Variants in CYFIP2 observed in about 807,000 individuals in gnomAD.
CYFIP2 encodes the protein cytoplasmic FMR1 interacting protein 2.
In CYFIP2, 29 loss-of-function variants were observed where a neutral mutation model predicts 158.7. That is an observed-to-expected ratio of 0.18 (90% CI 0.14 to 0.25). The LOEUF is 0.25. Among genes scored for constraint, CYFIP2 ranks in the 10% least tolerant of loss-of-function variants. The pLI, the probability that CYFIP2 is intolerant of heterozygous loss-of-function variation, is 1.00. For missense variants in CYFIP2, 852 were observed against 1,639.5 expected, an observed-to-expected ratio of 0.52 and a Z score of 8.29; for synonymous variants, 585 against 617.6, an observed-to-expected ratio of 0.95 and a Z score of 0.78.
chr5:157,307,883 G>T lies in CYFIP2; in HGVS notation c.900+18G>T. The stretch of plus-strand genomic sequence containing the variant: ...TCTTTAAGGTCAGCAACTGGGGCTG[G>T]GGCTGGGCAGAGGGCTGAGGTTACC... On this transcript the variant is annotated intron_variant, in intron 9 of 30. Coordinates refer to ENST00000620254, the MANE Select transcript of CYFIP2 (RefSeq NM_001037333.3). 1.4e-6 allele frequency: 2 copies of T among 1,466,330 alleles called. No individual in the cohort carries two copies. The highest frequency in any genetic ancestry group is 2.3e-5 in the East Asian group (1 of 42,996). The allele number at this position is 1,466,330 out of a possible 1,614,324, so 90.8% of individuals were successfully genotyped here.
intron 1 of CYFIP2, among the ~76,000 whole-genome samples, chr5:157,272,569 A>G (rs938137048): frequency 1.3e-5 from 2 of 152,150 alleles, no homozygotes; most frequent in Admixed American, 1.3e-4. Context: ...AGATCTCTAA[A>G]TGATATGCTT....
chr5:157,279,242 G>T (rs897033524), intron 1 of CYFIP2, among the ~76,000 whole-genome samples: 1 of 152,210 alleles, frequency 6.6e-6, no homozygotes, highest in African/African-American at 2.4e-5. Context: ...CTGAGGCTCG[G>T]AGAGGTTAAG....
In CYFIP2 at chr5:157,339,193, A is replaced by G; in HGVS notation, c.2522A>G (p.His841Arg). The G allele has an allele frequency of 1.2e-6, 2 of 1,613,530 alleles. No homozygotes were observed. Among genetic ancestry groups the G allele is most frequent in the Non-Finnish European group, 1.7e-6 (2 of 1,179,674 alleles). The change falls in exon 22 of 31, where the codon CAT (histidine) becomes CGT (arginine). Residue 841 changes from histidine (H) to arginine (R), a missense_variant. His to Arg is a conservative substitution (Grantham distance 29). Coordinates refer to ENST00000620254, the MANE Select transcript of CYFIP2 (RefSeq NM_001037333.3). ...GCCCCCTATGGCCGTATCACCCTGC[A>G]TGTCTTCTGGGAACTGAACTTTGAC... Reference protein sequence around the residue: ...VSAPYGRITLHVFWELNFDFL... With the variant: ...VSAPYGRITLRVFWELNFDFL...
At chr5:157,326,106 G>A (rs1227773628) in intron 17 of CYFIP2, 65 bp from the exon 18 acceptor site, 1 of 1,199,674 alleles carries the variant, frequency 8.3e-7, no homozygotes, top group Non-Finnish European at 1.2e-6. Flanking sequence ...TCCCAAGCAA[G>A]TATAAAGCTG....
chr5:157,331,220 C>T (rs1761433774), intron 20 of CYFIP2, among the ~76,000 whole-genome samples: 1 of 151,828 alleles, frequency 6.6e-6, no homozygotes, highest in Non-Finnish European at 1.5e-5. Context: ...AAGACTGTGG[C>T]GCCTTTGAAA....
chr5:157,381,217 C>A (rs1056706187), intron 26 of CYFIP2, among the ~76,000 whole-genome samples: 4 of 152,120 alleles, frequency 2.6e-5, no homozygotes, highest in African/African-American at 9.7e-5. Context: ...TCCACTGAGA[C>A]ATAACCACTA....
At chr5:157,390,080 C>T (rs1767121275) in intron 29 of CYFIP2, among the ~76,000 whole-genome samples, 2 of 152,192 alleles carry the variant, frequency 1.3e-5, no homozygotes, top group Admixed American at 1.3e-4. Flanking sequence ...ATGGCCTGTC[C>T]CTTCCCTTTC....
chr5:157,347,650 G>A (rs150007912), intron 23 of CYFIP2, among the ~76,000 whole-genome samples: 453 of 152,310 alleles, frequency 3.0e-3, no homozygotes, highest in South Asian at 0.021. Flanking sequence ...AGAGTTAAGG[G>A]GTCTGAGGAG....
Position 157,395,448 on chromosome 5 carries a change from C to A in CYFIP2, c.*2448C>A, listed in dbSNP as rs894538205. On this transcript the variant is annotated 3_prime_UTR_variant, in exon 31 of 31. Coordinates refer to ENST00000620254, the MANE Select transcript of CYFIP2 (RefSeq NM_001037333.3). ...ATTTATTTATGGTGACATATTTACG[C>A]TTGTGATCAAATAATGATGTTAAAT... 1 of 425,800 alleles carries A rather than the reference C, an allele frequency of 2.3e-6. No homozygotes were observed. Among genetic ancestry groups the A allele is most frequent in the African/African-American group, 2.1e-5 (1 of 47,768 alleles). The allele number at this position is 425,800 out of a possible 1,614,324, so 26.4% of individuals were successfully genotyped here.
chr5:157,389,854 C>T (rs753127427), intron 29 of CYFIP2, among the ~76,000 whole-genome samples: 3 of 152,182 alleles, frequency 2.0e-5, no homozygotes, highest in South Asian at 2.1e-4. Context: ...TTCAGAGCAG[C>T]GCTAGCCTGT....
chr5:157,288,511 T>C (rs1225594958), intron 3 of CYFIP2: 2 of 439,758 alleles, frequency 4.5e-6, no homozygotes, highest in Non-Finnish European at 9.1e-6. Context: ...GTGTAAATGC[T>C]GGAGAGGTAT....
In CYFIP2 at chr5:157,381,305, TATC is replaced by T. The variant is rs1291504543; in HGVS notation, c.3040-1282_3040-1280del. Among the ~76,000 whole-genome samples, 3 of 151,842 alleles carry T rather than the reference TATC, an allele frequency of 2.0e-5. No individual in the cohort carries two copies. The East Asian group carries it at 5.8e-4, about 29-fold the overall frequency. ...TACATATGTATCACTGAACAATACA[TATC>T]ATTATTGTACATGTTTTTAGATGTA... is the stretch of plus-strand genomic sequence containing the variant. On this transcript the variant is annotated intron_variant, in intron 26 of 30. Coordinates refer to ENST00000620254, the MANE Select transcript of CYFIP2 (RefSeq NM_001037333.3).
At chr5:157,387,379 G>A (rs759805634) in intron 28 of CYFIP2, among the ~76,000 whole-genome samples, 71 of 152,284 alleles carry the variant, frequency 4.7e-4, no homozygotes, top group African/African-American at 1.5e-3. Context: ...TTCAAAGTCT[G>A]TCTGCAGATT....
chr5:157,276,624 C>G (rs1479514044), intron 1 of CYFIP2, among the ~76,000 whole-genome samples: 1 of 152,152 alleles, frequency 6.6e-6, no homozygotes, highest in African/African-American at 2.4e-5. Context: ...TAGGAACTAT[C>G]ATTATCCCTT....
At position 157,302,120 on chromosome 5, in the gene CYFIP2, A is replaced by G. The variant is rs1581011187; in HGVS notation, c.570-674A>G. Among the ~76,000 whole-genome samples, 3 of 152,156 alleles carry G rather than the reference A, an allele frequency of 2.0e-5. No individual in the cohort carries two copies. The East Asian group carries it at 5.8e-4, about 29-fold the overall frequency. On this transcript the variant is annotated intron_variant, in intron 6 of 30. Transcript: ENST00000620254. ...CAGCCTGCTTCTGTCATGGCCACAA[A>G]TGAGATCCTCTGCCGCCCAGCTAGG...
intron 2 of CYFIP2, among the ~76,000 whole-genome samples, chr5:157,285,841 T>C (rs1326302896): frequency 6.6e-6 from 1 of 152,184 alleles, no homozygotes; most frequent in Non-Finnish European, 1.5e-5. Context: ...CCTTCATGCA[T>C]GTGAGGAGGG....
intron 3 of CYFIP2, among the ~76,000 whole-genome samples, chr5:157,288,212 C>T (rs1243588807): frequency 6.6e-6 from 1 of 152,168 alleles, no homozygotes; most frequent in Non-Finnish European, 1.5e-5. Context: ...GAAGCCATGA[C>T]ATGGGTGGCA....
In CYFIP2 at chr5:157,311,867, G is replaced by A. The variant is rs925927516; in HGVS notation, c.1110+86G>A. 8.0e-7 allele frequency: 1 copy of A among 1,255,872 alleles called. No individual in the cohort carries two copies. Among genetic ancestry groups the A allele is most frequent in the Middle Eastern group, 1.9e-4 (1 of 5,300 alleles). The allele number at this position is 1,255,872 out of a possible 1,614,324, so 77.8% of individuals were successfully genotyped here. A position where few individuals can be genotyped will look rare whatever the true frequency, so the allele number is the denominator to read the frequency against. The stretch of plus-strand genomic sequence containing the variant: ...CAGCCAGGAAAGAACATGGACCCAC[G>A]GAACACTGGAGAGTAGAAGGGAGGG... On this transcript the variant is annotated intron_variant, in intron 11 of 30. Transcript: ENST00000620254. The surrounding 1 kb of genome is among the most constrained non-coding windows in gnomAD (Gnocchi z 4.7).
chr5:157,339,284 C>T (rs374164669), intron 22 of CYFIP2, 28 bp downstream of exon 22: 46 of 1,099,124 alleles, frequency 4.2e-5, no homozygotes, highest in African/African-American at 1.4e-4. Context: ...CAGAGGGGGC[C>T]GGGTGGGGGT....
Sources: allele counts gnomAD v4.1 joint callset (sites outside exome capture counted in the v4.1 genomes callset), GRCh38; gene constraint gnomAD v4.1.1; non-coding constraint Gnocchi (gnomAD v3.1); transcripts MANE v1.5; gene names NCBI Gene and HGNC (gene_info 2026-07-23, HGNC 2026-07-21).